RASSF3: variants seen among roughly 807,000 people sequenced by gnomAD.
RASSF3 encodes ras association domain-containing protein 3.
RASSF3 carries 19 observed loss-of-function variants against 19.9 expected under a neutral mutation model. That is an observed-to-expected ratio of 0.96 (90% CI 0.67 to 1.40). The LOEUF (loss-of-function observed/expected upper bound fraction) is 1.40. RASSF3 is among the 40% of genes most tolerant of loss of function. The pLI is 0.00. For missense variants in RASSF3, 306 were observed against 289.8 expected, an observed-to-expected ratio of 1.06 and a Z score of -0.41; for synonymous variants, 110 against 104.2, an observed-to-expected ratio of 1.06 and a Z score of -0.34.
intron 2 of RASSF3, among the ~76,000 whole-genome samples, chr12:64,563,328 G>A (rs564428570): frequency 1.1e-4 from 17 of 151,862 alleles, no homozygotes; most frequent in Non-Finnish European, 2.1e-4. Context: ...CACCAGGCCC[G>A]GCTAAATTTT....
At chr12:64,664,141 TC>T (rs1057245405) in intron 1 of RASSF3, among the ~76,000 whole-genome samples, 9 of 152,090 alleles carry the variant, frequency 5.9e-5, no homozygotes, top group Non-Finnish European at 1.0e-4. Context: ...TTTACATACT[TC>T]ATTCTCCGTT....
At chr12:64,533,622 C>G (rs1410533660) in intron 1 of RASSF3, 1 of 152,188 alleles carries the variant, frequency 6.6e-6, no homozygotes, top group Non-Finnish European at 1.5e-5. Context: ...CAGCTTCTTT[C>G]TATTACCGGA....
intron 1 of RASSF3, among the ~76,000 whole-genome samples, chr12:64,517,587 G>A (rs1034911710): frequency 6.6e-6 from 1 of 151,592 alleles, no homozygotes; most frequent in Non-Finnish European, 1.5e-5. Context: ...ACACAGAAAA[G>A]TAGGTATACT....
intron 2 of RASSF3, among the ~76,000 whole-genome samples, chr12:64,569,249 C>T (rs1333204826): frequency 6.6e-6 from 1 of 152,248 alleles, no homozygotes; most frequent in Non-Finnish European, 1.5e-5. Context: ...CCATGCTTTG[C>T]TGTAACTATT....
At position 64,508,817 on chromosome 12, in the gene RASSF3, T is replaced by C. The variant is rs7976196; in HGVS notation, c.169+1488T>C. On this transcript the variant is annotated intron_variant, in intron 1 of 5. Transcript: ENST00000637125. ...GAGAATTGCTCGAAAACCCAGGAGGTGGAGGTTGCGGTGAGCCGAGATTGT... is the reference window on the plus strand; with the variant it reads ...GAGAATTGCTCGAAAACCCAGGAGGCGGAGGTTGCGGTGAGCCGAGATTGT... 4.6e-3 allele frequency among the ~76,000 whole-genome samples: 694 copies of C among 151,586 alleles called. 6 individuals carry two copies. Among genetic ancestry groups the C allele is most frequent in the African/African-American group, 0.015 (623 of 41,312 alleles).
At chr12:64,519,192 T>G (rs2178547) in intron 1 of RASSF3, among the ~76,000 whole-genome samples, 46,316 of 151,920 alleles carry the variant, frequency 0.3, 7,282 homozygotes, top group Middle Eastern at 0.4. Flanking sequence ...TTGAGTCCAG[T>G]AGTTCAAGAC....
At chr12:64,650,105 G>C (rs376337099) in intron 1 of RASSF3, among the ~76,000 whole-genome samples, 67 of 152,294 alleles carry the variant, frequency 4.4e-4, no homozygotes, top group African/African-American at 1.6e-3. Context: ...GATGATACAC[G>C]CATGTATTTG....
At chr12:64,655,474 T>A (rs544260727) in intron 1 of RASSF3, among the ~76,000 whole-genome samples, 44 of 152,044 alleles carry the variant, frequency 2.9e-4, no homozygotes, top group African/African-American at 8.7e-4. Flanking sequence ...ATATATATTT[T>A]TTTTTCCTTT....
In RASSF3 at chr12:64,548,472, G is replaced by A. The variant is rs116990490; in HGVS notation, c.294+6767G>A. Among the ~76,000 whole-genome samples, 292 of 152,318 alleles carry A rather than the reference G, an allele frequency of 1.9e-3. 1 individual carries two copies. The highest frequency in any genetic ancestry group is 3.0e-3 in the Non-Finnish European group (206 of 68,030). ...CCCAAAGTGCCAGGATTATAGGCAT[G>A]AGCCACAGCACCTGGCCAACAATTT... On this transcript the variant is annotated intron_variant, in intron 2 of 5. Coordinates refer to the RASSF3 transcript ENST00000637125.
chr12:64,610,618 G>A lies in RASSF3; in HGVS notation c.-15G>A. On this transcript the variant is annotated 5_prime_UTR_variant, in exon 1 of 5. Coordinates refer to ENST00000542104, the MANE Select transcript of RASSF3 (RefSeq NM_178169.4). ...CGCCCCGGGGAGGCCGCCCGCGCGCGACGGGACCGGCAGCATGAGCAGCGG... is the reference window on the plus strand; with the variant it reads ...CGCCCCGGGGAGGCCGCCCGCGCGCAACGGGACCGGCAGCATGAGCAGCGG... 3 of 1,494,478 alleles carry A rather than the reference G, an allele frequency of 2.0e-6. No individual in the cohort carries two copies. The highest frequency in any genetic ancestry group is 2.7e-6 in the Non-Finnish European group (3 of 1,117,806). The allele number at this position is 1,494,478 out of a possible 1,614,324, so 92.6% of individuals were successfully genotyped here. A position where few individuals can be genotyped will look rare whatever the true frequency, so the allele number is the denominator to read the frequency against.
intron 1 of RASSF3, among the ~76,000 whole-genome samples, chr12:64,618,163 G>C (rs545881033): frequency 1.1e-4 from 16 of 152,090 alleles, no homozygotes; most frequent in African/African-American, 3.6e-4. Flanking sequence ...AAATGCAATT[G>C]TTATTCACAG....
chr12:64,562,012 TATTTATTTA>T (rs1222753016), intron 2 of RASSF3, among the ~76,000 whole-genome samples: 1 of 124,424 alleles, frequency 8.0e-6, no homozygotes, highest in East Asian at 2.3e-4. Flanking sequence ...TTTATTTATT[TATTTATTTA>T]TTTTTGTTTG....
rs190361703 is a variant in RASSF3, at chr12:64,527,487, T to G, written c.170-14094T>G. 2.0e-5 allele frequency among the ~76,000 whole-genome samples: 3 copies of G among 152,360 alleles called. No homozygotes were observed. The East Asian group carries it at 5.8e-4, about 29-fold the overall frequency. ...CCTGCCCAATCCAGTGTTTCCCAAA[T>G]GTCATTCACAGGCTATCTTCACAAT... On this transcript the variant is annotated intron_variant, in intron 1 of 5. Coordinates refer to the RASSF3 transcript ENST00000637125.
At chr12:64,631,806 C>T (rs950390346) in intron 1 of RASSF3, among the ~76,000 whole-genome samples, 1 of 152,006 alleles carries the variant, frequency 6.6e-6, no homozygotes, top group African/African-American at 2.4e-5. Flanking sequence ...ACCTCCTGAC[C>T]TCAGGTTATC....
Position 64,610,504 on chromosome 12 carries a change from G to A in RASSF3, c.-129G>A, listed in dbSNP as rs1478491496. ...GGGGCCGGGAGAGCCTGATTGAGCG[G>A]CGGCCGCAGCTGCATAAGGACTGCC... On this transcript the variant is annotated 5_prime_UTR_variant, in exon 1 of 5. Coordinates refer to ENST00000542104, the MANE Select transcript of RASSF3 (RefSeq NM_178169.4). The A allele has an allele frequency of 9.4e-6, 3 of 319,174 alleles. No homozygotes were observed. Among genetic ancestry groups the A allele is most frequent in the African/African-American group, 6.8e-5 (3 of 44,414 alleles). 19.8% of individuals were successfully genotyped at this position (319,174 alleles called of 1,614,324 possible). A position where few individuals can be genotyped will look rare whatever the true frequency, so the allele number is the denominator to read the frequency against.
chr12:64,668,218 G>T (rs1386684342), intron 1 of RASSF3, among the ~76,000 whole-genome samples: 2 of 151,736 alleles, frequency 1.3e-5, no homozygotes, highest in Non-Finnish European at 2.9e-5. Context: ...CACTCAGCCA[G>T]CCTGGGGCAC....
At chr12:64,642,179 G>C (rs1240419512) in intron 1 of RASSF3, among the ~76,000 whole-genome samples, 1 of 152,046 alleles carries the variant, frequency 6.6e-6, no homozygotes, top group East Asian at 1.9e-4. Context: ...TAAATTGTTT[G>C]CTTTATCTTC....
chr12:64,534,409 C>T (rs1342240697), intron 1 of RASSF3, among the ~76,000 whole-genome samples: 2 of 150,658 alleles, frequency 1.3e-5, no homozygotes, highest in Non-Finnish European at 1.5e-5. Context: ...GTGAGAAGAT[C>T]GCTTGAGCCC....
At position 64,632,338 on chromosome 12, in the gene RASSF3, T is replaced by C. The variant is rs367872773; in HGVS notation, c.111+21595T>C. Among the ~76,000 whole-genome samples the C allele has an allele frequency of 6.6e-5, 10 of 152,070 alleles. No individual in the cohort carries two copies. In the South Asian group the frequency reaches 1.9e-3, roughly 28 times the overall value. ...AAGGCCGTGCTTGCCAGCCTGAGGA[T>C]TGAATATTTTGTGAGTAAGGAGGAG... On this transcript the variant is annotated intron_variant, in intron 1 of 4. Coordinates refer to ENST00000542104, the MANE Select transcript of RASSF3 (RefSeq NM_178169.4).
Sources: gnomAD v4.1 joint callset for allele counts (sites outside exome capture counted in the v4.1 genomes callset) on GRCh38, gnomAD v4.1.1 for gene constraint, MANE v1.5 for transcripts, NCBI Gene and HGNC (gene_info 2026-07-23, HGNC 2026-07-21) for gene names.